The following BBOX1 variants were observed in gnomAD, a reference collection of about 807,000 sequenced individuals.
BBOX1 encodes gamma-butyrobetaine hydroxylase 1.
In BBOX1, 35 loss-of-function variants were observed where a neutral mutation model predicts 41.6. The observed-to-expected ratio is 0.84, with a 90% confidence interval of 0.64 to 1.11. The LOEUF is 1.11. BBOX1 is among the 50% of genes most tolerant of loss of function. The pLI, the probability that BBOX1 is intolerant of heterozygous loss-of-function variation, is 0.00. For synonymous variants in BBOX1, 163 were observed against 154.7 expected (o/e 1.05, Z -0.40); for missense variants, 458 against 460.6 (o/e 0.99, Z 0.05).
chr11:27,076,288 C>T (rs1310306983), intron 4 of BBOX1, among the ~76,000 whole-genome samples: 1 of 152,160 alleles, frequency 6.6e-6, no homozygotes, highest in Non-Finnish European at 1.5e-5. Context: ...GTGACGTAGA[C>T]CCTATAAAGT....
At chr11:27,078,015 C>A (rs181285588) in intron 4 of BBOX1, among the ~76,000 whole-genome samples, 1 of 152,014 alleles carries the variant, frequency 6.6e-6, no homozygotes, top group East Asian at 1.9e-4. Flanking sequence ...GCTTTCCAAT[C>A]CTCCCACAAT....
chr11:27,118,924 C>CA (rs11396790), intron 6 of BBOX1, among the ~76,000 whole-genome samples: 42,331 of 138,876 alleles, frequency 0.3, 6,262 homozygotes, highest in East Asian at 0.5. Context: ...GTTCCTTCCT[C>CA]AAAAAAAAAA....
At chr11:27,070,806 T>C (rs1857422625) in intron 4 of BBOX1, among the ~76,000 whole-genome samples, 1 of 151,998 alleles carries the variant, frequency 6.6e-6, no homozygotes, top group Non-Finnish European at 1.5e-5. Flanking sequence ...TGTGAGATAC[T>C]TTCTCCGTCA....
At chr11:27,048,799 G>A (rs568250992) in intron 2 of BBOX1, among the ~76,000 whole-genome samples, 42 of 114,024 alleles carry the variant, frequency 3.7e-4, no homozygotes, top group Non-Finnish European at 6.3e-4. Flanking sequence ...TGTGCCCATT[G>A]TGCAGGTTAC....
chr11:27,075,117 A>T (rs1380081523), intron 4 of BBOX1, among the ~76,000 whole-genome samples: 2 of 151,838 alleles, frequency 1.3e-5, no homozygotes, highest in Non-Finnish European at 2.9e-5. Context: ...ATTATTGTTG[A>T]CTTCTTTTTA....
chr11:27,089,556 G>T (rs1018309235), intron 4 of BBOX1, among the ~76,000 whole-genome samples: 1 of 151,926 alleles, frequency 6.6e-6, no homozygotes, highest in Non-Finnish European at 1.5e-5. Context: ...TTACCACAGT[G>T]CCAGAAAACT....
chr11:27,105,236 A>G (rs886310752), intron 5 of BBOX1, among the ~76,000 whole-genome samples: 1 of 152,200 alleles, frequency 6.6e-6, no homozygotes, highest in Non-Finnish European at 1.5e-5. Context: ...ACAAAGCTGG[A>G]TGGAGAATGA....
chr11:27,094,972 CACA>C (rs1228053925), intron 5 of BBOX1, among the ~76,000 whole-genome samples: 3 of 151,888 alleles, frequency 2.0e-5, no homozygotes, highest in African/African-American at 7.2e-5. Flanking sequence ...ATTTAATTGT[CACA>C]ACAACTTTCT....
chr11:27,055,409 T>A lies in BBOX1; in HGVS notation c.-22T>A. ...TTGTCATAGCAGGTAGCTGACAGCA[T>A]CTACTCCTGAAGACCGGAAACATGG... On this transcript the variant is annotated 5_prime_UTR_variant, in exon 3 of 9. Transcript: ENST00000263182. 5.0e-6 allele frequency: 8 copies of A among 1,607,064 alleles called. No individual in the cohort carries two copies. The highest frequency in any genetic ancestry group is 6.8e-6 in the Non-Finnish European group (8 of 1,175,256).
intron 2 of BBOX1, chr11:27,047,060 T>C (rs1851507523): frequency 6.6e-6 from 1 of 152,174 alleles, no homozygotes; most frequent in Non-Finnish European, 1.5e-5. Context: ...AAGAAAGGGA[T>C]TGTGAAGAGA....
chr11:27,074,948 T>C (rs1425842437), intron 4 of BBOX1, among the ~76,000 whole-genome samples: 1 of 152,206 alleles, frequency 6.6e-6, no homozygotes, highest in Non-Finnish European at 1.5e-5. Flanking sequence ...TCTGTGGCTT[T>C]TCTAGGTACA....
At chr11:27,072,671 T>C (rs9666732) in intron 4 of BBOX1, among the ~76,000 whole-genome samples, 37,563 of 152,074 alleles carry the variant, frequency 0.25, 5,193 homozygotes, top group Middle Eastern at 0.44. Context: ...TTTCAAACTA[T>C]ACTACAAGGC....
At chr11:27,126,982 A>G (rs1280811018) in intron 8 of BBOX1, among the ~76,000 whole-genome samples, 1 of 152,126 alleles carries the variant, frequency 6.6e-6, no homozygotes, top group Non-Finnish European at 1.5e-5. Flanking sequence ...CAGAAGAAAC[A>G]TTTCTAATGA....
chr11:27,066,990 T>A (rs1857307584), intron 4 of BBOX1, among the ~76,000 whole-genome samples: 1 of 152,222 alleles, frequency 6.6e-6, no homozygotes, highest in African/African-American at 2.4e-5. Context: ...GTCTGTGATT[T>A]TGAGCAACTT....
chr11:27,110,563 C>T (rs1393225109), intron 5 of BBOX1, among the ~76,000 whole-genome samples: 24 of 152,002 alleles, frequency 1.6e-4, no homozygotes. Flanking sequence ...GCCTAAAATA[C>T]ATCTCCCAGA....
At chr11:27,076,146 T>G (rs934370098) in intron 4 of BBOX1, among the ~76,000 whole-genome samples, 7 of 152,202 alleles carry the variant, frequency 4.6e-5, no homozygotes, top group African/African-American at 1.2e-4. Context: ...CCTCTGGGTC[T>G]AGCCACCTAG....
chr11:27,071,166 A>G (rs1857434739), intron 4 of BBOX1, among the ~76,000 whole-genome samples: 1 of 152,050 alleles, frequency 6.6e-6, no homozygotes, highest in African/African-American at 2.4e-5. Context: ...CAAGGTCAGG[A>G]AATCAAGACC....
intron 6 of BBOX1, among the ~76,000 whole-genome samples, chr11:27,117,543 G>A (rs1293745442): frequency 6.6e-6 from 1 of 151,908 alleles, no homozygotes; most frequent in African/African-American, 2.4e-5. Flanking sequence ...AAATTAATCA[G>A]CTCAGCTCTT....
chr11:27,054,189 CTGTGTGTGTGTGTGTCTGTG>C (rs1856900195), intron 2 of BBOX1, among the ~76,000 whole-genome samples: 1 of 117,982 alleles, frequency 8.5e-6, no homozygotes, highest in Non-Finnish European at 1.8e-5. Flanking sequence ...ATTTTATAAG[CTGTGTGTGTGTGTGTCTGTG>C]TGTGTGTGTG....
Sources: gnomAD v4.1 joint callset for allele counts (sites outside exome capture counted in the v4.1 genomes callset) on GRCh38, gnomAD v4.1.1 for gene constraint, MANE v1.5 for transcripts, NCBI Gene and HGNC (gene_info 2026-07-23, HGNC 2026-07-21) for gene names.